The following WDPCP variants were observed in gnomAD, a reference collection of about 807,000 sequenced individuals.
The protein encoded by WDPCP is WD repeat-containing and planar cell polarity effector protein fritz homolog.
WDPCP carries 71 observed loss-of-function variants against 93.1 expected under a neutral mutation model. That is an observed-to-expected ratio of 0.76 (90% CI 0.63 to 0.93). The LOEUF (loss-of-function observed/expected upper bound fraction) is 0.93. Among genes scored for constraint, WDPCP ranks in the 40% least tolerant of loss-of-function variants. The pLI is 0.00. For missense variants in WDPCP, 844 were observed against 887.4 expected (o/e 0.95, Z 0.62); for synonymous variants, 315 against 315.0 (o/e 1.00, Z 0.00).
intron 2 of WDPCP, among the ~76,000 whole-genome samples, chr2:63,782,855 G>A (rs1670415601): frequency 6.6e-6 from 1 of 152,096 alleles, no homozygotes; most frequent in African/African-American, 2.4e-5. Flanking sequence ...GGAAAATGGA[G>A]AGAGAAATGG....
intron 3 of WDPCP, chr2:63,597,500 T>C (rs1575722500): frequency 6.6e-7 from 1 of 1,524,120 alleles, no homozygotes; most frequent in South Asian, 1.3e-5. Flanking sequence ...GAGAAAAGAT[T>C]TACTGAAAGC....
chr2:63,558,951 A>T (rs1706359989), intron 1 of WDPCP, among the ~76,000 whole-genome samples: 1 of 152,192 alleles, frequency 6.6e-6, no homozygotes, highest in Non-Finnish European at 1.5e-5. Context: ...CATCATCCTG[A>T]TACCAAAACC....
chr2:63,514,904 A>G (rs1053296742), intron 1 of WDPCP, among the ~76,000 whole-genome samples: 3 of 152,152 alleles, frequency 2.0e-5, no homozygotes, highest in Admixed American at 2.0e-4. Flanking sequence ...CTCTTCCCAT[A>G]CCCTCCTTTC....
At chr2:63,520,755 G>T (rs997359060) in intron 1 of WDPCP, among the ~76,000 whole-genome samples, 6 of 151,964 alleles carry the variant, frequency 3.9e-5, no homozygotes, top group African/African-American at 1.5e-4. Flanking sequence ...AAATAGCCAG[G>T]TATGGTGGGA....
intron 3 of WDPCP, chr2:63,643,946 C>G: frequency 2.0e-6 from 1 of 494,482 alleles, no homozygotes; most frequent in South Asian, 1.5e-5. Flanking sequence ...CTTGTGGGAA[C>G]CAGTGGATGG....
At chr2:63,658,722 C>T (rs996293139) in intron 2 of WDPCP, among the ~76,000 whole-genome samples, 1 of 152,172 alleles carries the variant, frequency 6.6e-6, no homozygotes, top group Non-Finnish European at 1.5e-5. Flanking sequence ...GGCAGGAAGT[C>T]CTGTGATTTA....
intron 3 of WDPCP, among the ~76,000 whole-genome samples, chr2:63,613,360 C>G (rs1709636271): frequency 6.6e-6 from 1 of 152,218 alleles, no homozygotes; most frequent in Admixed American, 6.5e-5. Context: ...GGAAGCCAAG[C>G]AATGGTGCAT....
chr2:63,229,305 T>G (rs1678608025), intron 14 of WDPCP: 1 of 152,212 alleles, frequency 6.6e-6, no homozygotes, highest in African/African-American at 2.4e-5. Context: ...GTAAATTTAT[T>G]TGAGTTCTTT....
At chr2:63,401,932 A>G (rs932880707) in intron 10 of WDPCP, among the ~76,000 whole-genome samples, 5 of 152,224 alleles carry the variant, frequency 3.3e-5, no homozygotes, top group Non-Finnish European at 7.3e-5. Flanking sequence ...TCAAGGATCT[A>G]GAACCAGAAA....
chr2:63,276,014 A>G (rs1194807143), intron 13 of WDPCP, among the ~76,000 whole-genome samples: 2 of 152,202 alleles, frequency 1.3e-5, no homozygotes, highest in Non-Finnish European at 2.9e-5. Context: ...CTGTGCGGGT[A>G]TCCATGGCTG....
At chr2:63,225,387 G>A (rs1333604699) in intron 14 of WDPCP, among the ~76,000 whole-genome samples, 2 of 151,790 alleles carry the variant, frequency 1.3e-5, no homozygotes, top group Non-Finnish European at 2.9e-5. Flanking sequence ...CCAAGTGTTG[G>A]CAAGGATGGG....
Position 63,728,268 on chromosome 2 carries a change from C to T in WDPCP, n.309-77430G>A, listed in dbSNP as rs993327061. 7.2e-5 allele frequency among the ~76,000 whole-genome samples: 11 copies of T among 152,310 alleles called. No individual in the cohort carries two copies. In the South Asian group the frequency reaches 8.3e-4, roughly 11 times the overall value. ...CCTACTAAGTGTAAGTGAACAAAAACGGTCTTTCAGAAACTGGACCCACAT... is the reference window on the plus strand; with the variant it reads ...CCTACTAAGTGTAAGTGAACAAAAATGGTCTTTCAGAAACTGGACCCACAT... On this transcript the variant is annotated intron_variant and non_coding_transcript_variant, in intron 2 of 4. Transcript: ENST00000467687.
chr2:63,498,271 A>T (rs890302230), intron 1 of WDPCP, among the ~76,000 whole-genome samples: 4 of 152,200 alleles, frequency 2.6e-5, no homozygotes, highest in African/African-American at 9.6e-5. Context: ...GCCATTTTGA[A>T]TCCAAGCTTC....
chr2:63,550,913 C>T (rs1284195216), intron 1 of WDPCP, among the ~76,000 whole-genome samples: 1 of 151,964 alleles, frequency 6.6e-6, no homozygotes, highest in Non-Finnish European at 1.5e-5. Context: ...CTTCTCTTCA[C>T]CAGGCAAACC....
intron 2 of WDPCP, among the ~76,000 whole-genome samples, chr2:63,701,780 T>C (rs1056636794): frequency 6.6e-6 from 1 of 152,164 alleles, no homozygotes; most frequent in Non-Finnish European, 1.5e-5. Context: ...TTCTCACTCA[T>C]ATGTAGGAGC....
intron 1 of WDPCP, among the ~76,000 whole-genome samples, chr2:63,533,393 C>G (rs1704012082): frequency 6.6e-6 from 1 of 152,202 alleles, no homozygotes. Context: ...CACCCCAGAT[C>G]AACAGAATAC....
intron 2 of WDPCP, among the ~76,000 whole-genome samples, chr2:63,766,993 C>T (rs911283141): frequency 2.0e-5 from 3 of 152,004 alleles, no homozygotes; most frequent in Non-Finnish European, 2.9e-5. Flanking sequence ...TTTAATGCCA[C>T]CTTCTTGCCC....
At chr2:63,745,461 A>AT (rs1669780946) in intron 2 of WDPCP, among the ~76,000 whole-genome samples, 1 of 152,188 alleles carries the variant, frequency 6.6e-6, no homozygotes, top group African/African-American at 2.4e-5. Flanking sequence ...ATTTAAAAAC[A>AT]TATGTATTTA....
chr2:63,187,317 A>C (rs1674713609), intron 14 of WDPCP, among the ~76,000 whole-genome samples: 1 of 152,088 alleles, frequency 6.6e-6, no homozygotes, highest in Non-Finnish European at 1.5e-5. Flanking sequence ...TTATCCATTT[A>C]GCCAATATGT....
Sources: allele counts gnomAD v4.1 joint callset (sites outside exome capture counted in the v4.1 genomes callset), GRCh38; gene constraint gnomAD v4.1.1; transcripts MANE v1.5; gene names NCBI Gene and HGNC (gene_info 2026-07-23, HGNC 2026-07-21).